CENPU: variants seen among roughly 807,000 people sequenced by gnomAD.
CENPU encodes the protein centromere protein U.
CENPU carries 46 observed loss-of-function variants against 56.7 expected under a neutral mutation model. That is an observed-to-expected ratio of 0.81 (90% CI 0.64 to 1.04). The LOEUF (loss-of-function observed/expected upper bound fraction) is 1.04. CENPU is among the 50% of genes least tolerant of loss of function. The pLI is 0.00. For missense variants in CENPU, 510 were observed against 490.1 expected, an observed-to-expected ratio of 1.04 and a Z score of -0.38; for synonymous variants, 166 against 163.0, an observed-to-expected ratio of 1.02 and a Z score of -0.14.
At chr4:184,697,396 A>C (rs1760375142) in intron 12 of CENPU, among the ~76,000 whole-genome samples, 1 of 148,194 alleles carries the variant, frequency 6.7e-6, no homozygotes, top group African/African-American at 2.4e-5. Flanking sequence ...CCCTTGATGA[A>C]ATTCAGCTGT....
intron 11 of CENPU, among the ~76,000 whole-genome samples, chr4:184,699,309 G>A (rs148129069): frequency 6.2e-4 from 95 of 152,124 alleles, no homozygotes; most frequent in Middle Eastern, 3.4e-3. Flanking sequence ...CAGCCTGGGC[G>A]ACAGAGCCAG....
chr4:184,726,243 TA>T (rs1761447192), intron 3 of CENPU, among the ~76,000 whole-genome samples: 1 of 152,144 alleles, frequency 6.6e-6, no homozygotes, highest in South Asian at 2.1e-4. Context: ...ACCACTCACA[TA>T]AACTGGATTC....
intron 11 of CENPU, among the ~76,000 whole-genome samples, chr4:184,700,328 T>TA (rs1453225566): frequency 1.3e-5 from 2 of 152,240 alleles, no homozygotes; most frequent in Non-Finnish European, 2.9e-5. Flanking sequence ...ACACAGCACT[T>TA]ACTGTGTGCG....
intron 12 of CENPU, among the ~76,000 whole-genome samples, chr4:184,696,281 G>GT (rs1403462869): frequency 6.6e-6 from 1 of 152,064 alleles, no homozygotes; most frequent in African/African-American, 2.4e-5. Context: ...GTCACTAAAT[G>GT]TTTAGAGTAA....
chr4:184,695,400 T>C lies in CENPU; in HGVS notation c.1145A>G (p.Tyr382Cys). The change falls in exon 13 of 13, where the codon TAT becomes TGT. Residue 382 changes from tyrosine to cysteine, a missense_variant and splice_region_variant. Tyr to Cys is a radical substitution (Grantham distance 194, BLOSUM62 -2). Coordinates refer to ENST00000281453, the MANE Select transcript of CENPU (RefSeq NM_024629.4). ...CAGAGCTGGAAGGCTGGATGAATCA[T>C]ACTGTTGAAAGAAAATTATATAATT... is the stretch of plus-strand genomic sequence containing the variant. ...QAQEPNVKET[Y>C]DSSSLPALLF... The C allele has an allele frequency of 6.2e-7, 1 of 1,606,916 alleles. No individual in the cohort carries two copies. The highest frequency in any genetic ancestry group is 8.5e-7 in the Non-Finnish European group (1 of 1,173,790).
rs1458968298 is a variant in CENPU at position 184,694,120 on chromosome 4, G to GTTTACGATT, written c.*1159_*1167dup. The GTTTACGATT allele has an allele frequency of 1.9e-4, 115 of 596,698 alleles. No individual in the cohort carries two copies. The African/African-American group carries it at 2.3e-3, about 12-fold the overall frequency. 37.0% of individuals were successfully genotyped at this position (596,698 alleles called of 1,614,324 possible). ...TGTTTTTAATCTTTTTTCAATCCAT[G>GTTTACGATT]TTTACGATTTGCTAAATACTTTAAA... On this transcript the variant is annotated 3_prime_UTR_variant, in exon 13 of 13. Transcript: ENST00000281453.
At position 184,724,985 on chromosome 4, in the gene CENPU, T is replaced by G. The variant is rs1177006220; in HGVS notation, c.292A>C (p.Thr98Pro). ...CTTTTTGCTTCTTTTCCTGGAGGAG[T>G]TGAAGAGAGAGACAGTCCACAATGT... ...SKHCGLSLSS[T>P]PPGKEAKRSS... Residue 98 changes from threonine (T) to proline (P), a missense_variant, in exon 4 of 13, where the codon ACT becomes CCT. By Grantham distance (38) the Thr-to-Pro change is conservative. Coordinates refer to ENST00000281453, the MANE Select transcript of CENPU (RefSeq NM_024629.4). 5 of 1,612,292 alleles carry G rather than the reference T, an allele frequency of 3.1e-6. No individual in the cohort carries two copies. The Admixed American group carries it at 8.4e-5, about 27-fold the overall frequency.
Position 184,694,359 on chromosome 4 carries a change from C to T in CENPU, c.*929G>A, listed in dbSNP as rs1184475018. The T allele has an allele frequency of 7.1e-7, 1 of 1,404,256 alleles. No individual in the cohort carries two copies. Among genetic ancestry groups the T allele is most frequent in the Non-Finnish European group, 9.3e-7 (1 of 1,080,700 alleles). The allele number at this position is 1,404,256 out of a possible 1,614,324, so 87.0% of individuals were successfully genotyped here. On this transcript the variant is annotated 3_prime_UTR_variant, in exon 13 of 13. Coordinates refer to ENST00000281453, the MANE Select transcript of CENPU (RefSeq NM_024629.4). ...GTGCAGCAACGTTTGAATCAGTGCA[C>T]TCATTCCCACGGTGAGATATCGGAG... is the stretch of plus-strand genomic sequence containing the variant.
intron 3 of CENPU, among the ~76,000 whole-genome samples, chr4:184,727,756 A>C (rs1761508400): frequency 6.6e-6 from 1 of 152,234 alleles, no homozygotes; most frequent in Admixed American, 6.5e-5. Flanking sequence ...CCCAAATGTA[A>C]CTGATAAATG....
chr4:184,703,489 AC>A (rs1760613836), intron 8 of CENPU, among the ~76,000 whole-genome samples: 1 of 152,214 alleles, frequency 6.6e-6, no homozygotes, highest in African/African-American at 2.4e-5. Context: ...TTAAAAAAAA[AC>A]AAAACAACAA....
chr4:184,704,909 C>T (rs1191618604), intron 8 of CENPU, among the ~76,000 whole-genome samples: 2 of 152,170 alleles, frequency 1.3e-5, no homozygotes, highest in African/African-American at 4.8e-5. Context: ...ACACTTCACA[C>T]CTATCACAAT....
chr4:184,733,000 A>G (rs1167161881), intron 1 of CENPU, among the ~76,000 whole-genome samples: 6 of 152,220 alleles, frequency 3.9e-5, no homozygotes, highest in Non-Finnish European at 8.8e-5. Context: ...AAAAAAAAAA[A>G]AAAAAATTCT....
At position 184,694,705 on chromosome 4, in the gene CENPU, A is replaced by G; in HGVS notation, c.*583T>C. The G allele has an allele frequency of 6.2e-7, 1 of 1,613,724 alleles. No homozygotes were observed. Among genetic ancestry groups the G allele is most frequent in the Non-Finnish European group, 8.5e-7 (1 of 1,179,616 alleles). ...TGCTGAATTAGCTGAAGCTGCAGAG[A>G]ACAGTCTTCTCAGTTATAACAGTGA... On this transcript the variant is annotated 3_prime_UTR_variant, in exon 13 of 13. Transcript: ENST00000281453.
intron 4 of CENPU, among the ~76,000 whole-genome samples, chr4:184,722,068 A>T (rs1160948390): frequency 6.6e-6 from 1 of 152,242 alleles, no homozygotes; most frequent in Non-Finnish European, 1.5e-5. Context: ...ATAAAACTAG[A>T]TATCAATAAC....
chr4:184,698,450 T>C (rs1474552834), intron 11 of CENPU: 1 of 152,158 alleles, frequency 6.6e-6, no homozygotes, highest in Non-Finnish European at 1.5e-5. Flanking sequence ...TAAAAACGTC[T>C]TTTTTGTTTG....
Position 184,717,116 on chromosome 4 carries a change from G to A in CENPU, c.381+20C>T. On this transcript the variant is annotated intron_variant, in intron 5 of 12. Transcript: ENST00000281453. Reference sequence around the variant, plus strand: ...AACTATATTACAAATTAAAGTAGAAGAGTGAATACTCCTACATACCTTTTT... The same window carrying A: ...AACTATATTACAAATTAAAGTAGAAAAGTGAATACTCCTACATACCTTTTT... 1 of 1,537,488 alleles carries A rather than the reference G, an allele frequency of 6.5e-7. No homozygotes were observed. The highest frequency in any genetic ancestry group is 9.0e-7 in the Non-Finnish European group (1 of 1,114,470).
chr4:184,731,200 C>A (rs1287845539), intron 1 of CENPU, among the ~76,000 whole-genome samples: 1 of 152,188 alleles, frequency 6.6e-6, no homozygotes, highest in Non-Finnish European at 1.5e-5. Context: ...TCCCTGAGGC[C>A]TTAATCAATC....
At chr4:184,730,245 A>C (rs1447446543) in intron 2 of CENPU, among the ~76,000 whole-genome samples, 1 of 152,174 alleles carries the variant, frequency 6.6e-6, no homozygotes, top group Non-Finnish European at 1.5e-5. Context: ...CCACCCAAAG[A>C]ACCCGTGAAG....
chr4:184,722,682 G>A, intron 4 of CENPU, among the ~76,000 whole-genome samples: 1 of 148,546 alleles, frequency 6.7e-6, no homozygotes, highest in Non-Finnish European at 1.5e-5. Context: ...AAAGAGAGAT[G>A]AACCAGTAAA....
Sources: allele counts gnomAD v4.1 joint callset (sites outside exome capture counted in the v4.1 genomes callset), GRCh38; gene constraint gnomAD v4.1.1; transcripts MANE v1.5; gene names NCBI Gene and HGNC (gene_info 2026-07-23, HGNC 2026-07-21).